The following PTP4A1 variants were observed in gnomAD, a reference collection of about 807,000 sequenced individuals.
PTP4A1 encodes protein tyrosine phosphatase 4A1.
In PTP4A1, 9 loss-of-function variants were observed where a neutral mutation model predicts 20.5. That is an observed-to-expected ratio of 0.44 (90% CI 0.26 to 0.77). The LOEUF is 0.77. Ranked by LOEUF, PTP4A1 falls within the 30% of genes least tolerant of loss-of-function variation. The pLI is 0.19. For missense variants in PTP4A1, 137 were observed against 218.8 expected (o/e 0.63, Z 2.36); for synonymous variants, 78 against 67.4 (o/e 1.16, Z -0.77).
chr6:63,570,569 C>T (rs543666015), upstream of PTP4A1, among the ~76,000 whole-genome samples: 10 of 152,324 alleles, frequency 6.6e-5, no homozygotes, highest in South Asian at 2.1e-3. Context: ...AGGCTCACAA[C>T]TTGTATCACA....
chr6:63,519,036 CG>C (rs1173232386), upstream of PTP4A1, among the ~76,000 whole-genome samples: 1 of 152,136 alleles, frequency 6.6e-6, no homozygotes, highest in Admixed American at 6.5e-5. Context: ...GACTACAGGC[CG>C]GGCACAGTGG....
chr6:63,564,042 A>C (rs1777078362), intron 3 of PTP4A1, among the ~76,000 whole-genome samples: 1 of 152,204 alleles, frequency 6.6e-6, no homozygotes, highest in South Asian at 2.1e-4. Context: ...TGGGAGGCCA[A>C]GGCAGGCGGA....
At chr6:63,532,168 TAAC>T (rs1171815399) in intron 2 of PTP4A1, among the ~76,000 whole-genome samples, 2 of 152,216 alleles carry the variant, frequency 1.3e-5, no homozygotes, top group African/African-American at 4.8e-5. Context: ...AAATTAGAAA[TAAC>T]AATTCAATCT....
intron 2 of PTP4A1, chr6:63,549,504 G>A (rs905983380): frequency 3.0e-5 from 22 of 742,840 alleles, no homozygotes; most frequent in African/African-American, 5.2e-5. Flanking sequence ...CTTTCCTTTC[G>A]GCAGGAGGAG....
chr6:63,529,093 A>C (rs529169213), intron 2 of PTP4A1, among the ~76,000 whole-genome samples: 51 of 141,772 alleles, frequency 3.6e-4, no homozygotes, highest in Non-Finnish European at 4.3e-4. Context: ...CCATCTCAAA[A>C]TATATATATG....
At position 63,576,896 on chromosome 6, in the gene PTP4A1, C is replaced by T. The variant is rs769357724; in HGVS notation, c.16C>T (p.Arg6Cys). MARMNRPAPVEVTYKN... is the reference protein window; with the variant it reads MARMNCPAPVEVTYKN... ...CTAAATTAACATGGCTCGAATGAAC[C>T]GCCCAGCTCCTGTGGAAGTCACATA... The change falls in exon 2 of 6, where the codon CGC becomes TGC. Residue 6 changes from arginine (R) to cysteine (C), a missense_variant. Physicochemically the swap from Arg to Cys is radical, Grantham distance 180. Coordinates refer to ENST00000626021, the MANE Select transcript of PTP4A1 (RefSeq NM_003463.5). 6 of 1,612,746 alleles carry T rather than the reference C, an allele frequency of 3.7e-6. No individual in the cohort carries two copies. Among genetic ancestry groups the T allele is most frequent in the Non-Finnish European group, 4.2e-6 (5 of 1,179,752 alleles).
At chr6:63,523,471 A>G (rs1775026312) in intron 1 of PTP4A1, among the ~76,000 whole-genome samples, 1 of 152,104 alleles carries the variant, frequency 6.6e-6, no homozygotes, top group Non-Finnish European at 1.5e-5. Flanking sequence ...TGATCGTGCC[A>G]CTGCACTCTA....
chr6:63,572,261 C>T (rs1005995905), upstream of PTP4A1: 1 of 180,260 alleles, frequency 5.5e-6, no homozygotes, highest in Non-Finnish European at 1.2e-5. Flanking sequence ...GCACTCCCGG[C>T]AGCCCCTTCC....
intron 3 of PTP4A1, among the ~76,000 whole-genome samples, chr6:63,566,256 T>G (rs1184366496): frequency 6.6e-6 from 1 of 152,194 alleles, no homozygotes; most frequent in Non-Finnish European, 1.5e-5. Flanking sequence ...AAACATTTAT[T>G]AAAGGAACTT....
intron 3 of PTP4A1, among the ~76,000 whole-genome samples, chr6:63,552,280 C>T (rs905709524): frequency 3.9e-4 from 60 of 152,162 alleles, no homozygotes; most frequent in African/African-American, 1.4e-3. Context: ...TCTCTGATGG[C>T]CAGTGATGGT....
chr6:63,552,355 T>C (rs1309566524), intron 3 of PTP4A1, among the ~76,000 whole-genome samples: 1 of 152,230 alleles, frequency 6.6e-6, no homozygotes, highest in African/African-American at 2.4e-5. Flanking sequence ...TCTGTTCATG[T>C]CCTTTACCCA....
chr6:63,525,793 T>C (rs1363861772), intron 1 of PTP4A1, among the ~76,000 whole-genome samples: 2 of 152,190 alleles, frequency 1.3e-5, no homozygotes, highest in Non-Finnish European at 2.9e-5. Flanking sequence ...CCAATATCTA[T>C]ATAACTAAAT....
At chr6:63,548,806 G>C (rs149589978) in intron 2 of PTP4A1, 1 of 735,562 alleles carries the variant, frequency 1.4e-6, no homozygotes, top group Non-Finnish European at 2.5e-6. Flanking sequence ...CCCCAGTGAC[G>C]GCGGATCTCA....
upstream of PTP4A1, among the ~76,000 whole-genome samples, chr6:63,570,027 A>G (rs1259314548): frequency 2.6e-5 from 4 of 152,240 alleles, no homozygotes; most frequent in Non-Finnish European, 5.9e-5. Flanking sequence ...GCAGCTGACA[A>G]GCAGGAACAT....
intron 2 of PTP4A1, among the ~76,000 whole-genome samples, chr6:63,578,122 C>T (rs1581950211): frequency 6.6e-6 from 1 of 152,076 alleles, no homozygotes; most frequent in South Asian, 2.1e-4. Context: ...AATGTTTCAT[C>T]CCAATCCGGT....
chr6:63,524,232 G>A (rs139777894), intron 1 of PTP4A1, among the ~76,000 whole-genome samples: 1 of 152,126 alleles, frequency 6.6e-6, no homozygotes, highest in African/African-American at 2.4e-5. Flanking sequence ...TAATCTGACT[G>A]CCTTGGCCTC....
At chr6:63,530,853 A>G (rs1231367253) in intron 2 of PTP4A1, among the ~76,000 whole-genome samples, 1 of 152,190 alleles carries the variant, frequency 6.6e-6, no homozygotes, top group East Asian at 1.9e-4. Flanking sequence ...AAAACATCCA[A>G]ATTGATACTT....
chr6:63,523,235 AG>A (rs1245792646), intron 1 of PTP4A1, among the ~76,000 whole-genome samples: 1 of 152,086 alleles, frequency 6.6e-6, no homozygotes, highest in African/African-American at 2.4e-5. Flanking sequence ...GTAAGTGTCT[AG>A]GATGTTTATT....
chr6:63,559,825 C>T (rs769709671), intron 3 of PTP4A1, among the ~76,000 whole-genome samples: 2 of 152,130 alleles, frequency 1.3e-5, no homozygotes, highest in African/African-American at 2.4e-5. Context: ...GAGTCTGAGG[C>T]AGGTTTGCCC....
Sources: allele counts gnomAD v4.1 joint callset (sites outside exome capture counted in the v4.1 genomes callset), GRCh38; gene constraint gnomAD v4.1.1; transcripts MANE v1.5; gene names NCBI Gene and HGNC (gene_info 2026-07-23, HGNC 2026-07-21).